The following ENOX1 variants were observed in gnomAD, a reference collection of about 807,000 sequenced individuals.
ENOX1 encodes ecto-NOX disulfide-thiol exchanger 1.
In ENOX1, 42 loss-of-function variants were observed where a neutral mutation model predicts 82.5. The ratio of observed to expected loss-of-function variants is 0.51; its 90% CI spans 0.40 to 0.66. The LOEUF is 0.66. Ranked by LOEUF, ENOX1 falls within the 30% of genes least tolerant of loss-of-function variation. The probability of loss-of-function intolerance (pLI) is 0.00; values close to 1 mark genes in which losing one functional copy is unlikely to be tolerated. For missense variants in ENOX1, 608 were observed against 811.6 expected (o/e 0.75, Z 3.05); for synonymous variants, 271 against 282.2 (o/e 0.96, Z 0.40).
At chr13:43,536,290 C>T (rs1262129345) in intron 2 of ENOX1, among the ~76,000 whole-genome samples, 4 of 152,176 alleles carry the variant, frequency 2.6e-5, no homozygotes, top group African/African-American at 9.7e-5. Context: ...CCTCTATAAT[C>T]ACTCTCTAGC....
chr13:43,517,803 C>A (rs1044227339), intron 2 of ENOX1, among the ~76,000 whole-genome samples: 1 of 152,118 alleles, frequency 6.6e-6, no homozygotes, highest in Non-Finnish European at 1.5e-5. Context: ...GGGATTAGTG[C>A]TCTTATGAAA....
chr13:43,365,624 T>C lies in ENOX1; in HGVS notation c.209-4172A>G, dbSNP rs138833227. Among the ~76,000 whole-genome samples, 19 of 152,340 alleles carry C rather than the reference T, an allele frequency of 1.2e-4. No homozygotes were observed. The East Asian group carries it at 3.7e-3, about 29-fold the overall frequency. On this transcript the variant is annotated intron_variant, in intron 5 of 16. Transcript: ENST00000690772. Reference sequence around the variant, plus strand: ...CATGGAGTCATAAGTTGAGAAATACTAGGCCAATTGGCAGGTTACCTAAGC... The same window carrying C: ...CATGGAGTCATAAGTTGAGAAATACCAGGCCAATTGGCAGGTTACCTAAGC...
At chr13:43,677,793 G>A (rs1291971646) in intron 1 of ENOX1, among the ~76,000 whole-genome samples, 2 of 152,182 alleles carry the variant, frequency 1.3e-5, no homozygotes, top group Non-Finnish European at 2.9e-5. Context: ...CTACACAAGT[G>A]AAAGAATCTG....
intron 2 of ENOX1, among the ~76,000 whole-genome samples, chr13:43,622,551 T>C (rs955333457): frequency 1.3e-5 from 2 of 152,172 alleles, no homozygotes; most frequent in Non-Finnish European, 2.9e-5. Flanking sequence ...TCTACCTGGC[T>C]CCAGGCTGGT....
intron 2 of ENOX1, among the ~76,000 whole-genome samples, chr13:43,571,286 C>T (rs1177586056): frequency 6.6e-6 from 1 of 152,154 alleles, no homozygotes; most frequent in African/African-American, 2.4e-5. Context: ...GGTAATAAAG[C>T]TTATGGTATA....
At chr13:43,584,844 A>G (rs568217248) in intron 2 of ENOX1, among the ~76,000 whole-genome samples, 1 of 152,200 alleles carries the variant, frequency 6.6e-6, no homozygotes, top group East Asian at 1.9e-4. Context: ...CCTGACTACA[A>G]TCATTCTTCA....
intron 2 of ENOX1, among the ~76,000 whole-genome samples, chr13:43,486,683 G>A (rs1346810570): frequency 1.3e-5 from 2 of 152,168 alleles, no homozygotes; most frequent in East Asian, 3.8e-4. Flanking sequence ...AATGGGGTCT[G>A]AAACCAAACT....
chr13:43,554,007 C>T (rs968856808), intron 2 of ENOX1, among the ~76,000 whole-genome samples: 8 of 152,124 alleles, frequency 5.3e-5, no homozygotes, highest in Non-Finnish European at 1.2e-4. Flanking sequence ...CCTTGGTCTC[C>T]CAAAGTGCTG....
intron 2 of ENOX1, among the ~76,000 whole-genome samples, chr13:43,610,291 G>A (rs1011759393): frequency 2.0e-5 from 3 of 152,128 alleles, no homozygotes; most frequent in African/African-American, 7.2e-5. Flanking sequence ...CTAATTACAT[G>A]CATGGGAGCA....
At chr13:43,621,952 T>C (rs1212811027) in intron 2 of ENOX1, among the ~76,000 whole-genome samples, 1 of 152,168 alleles carries the variant, frequency 6.6e-6, no homozygotes, top group Non-Finnish European at 1.5e-5. Flanking sequence ...TCCTATTTTC[T>C]TATTCTTTTT....
intron 14 of ENOX1, among the ~76,000 whole-genome samples, chr13:43,261,693 C>CA (rs1477285624): frequency 6.6e-6 from 1 of 150,544 alleles, no homozygotes; most frequent in Non-Finnish European, 1.5e-5. Flanking sequence ...TTTGTAGGGA[C>CA]ATGGATGAAA....
At chr13:43,399,984 T>C (rs1296237177) in intron 5 of ENOX1, among the ~76,000 whole-genome samples, 4 of 152,108 alleles carry the variant, frequency 2.6e-5, no homozygotes, top group African/African-American at 9.7e-5. Flanking sequence ...ACTGCCACTC[T>C]TGTAGGAGTG....
chr13:43,247,924 C>T (rs1485329435), intron 14 of ENOX1, among the ~76,000 whole-genome samples: 13 of 98,490 alleles, frequency 1.3e-4, no homozygotes, highest in East Asian at 3.5e-4. Context: ...CTCGCTCTGT[C>T]GCCCAGGCTG....
rs575118348 is a variant in ENOX1 at position 43,457,773 on chromosome 13, C to T, written c.-75+26236G>A. Among the ~76,000 whole-genome samples, 6 of 152,226 alleles carry T rather than the reference C, an allele frequency of 3.9e-5. No homozygotes were observed. In the South Asian group the frequency reaches 8.3e-4, roughly 21 times the overall value. On this transcript the variant is annotated intron_variant, in intron 3 of 16. Coordinates refer to ENST00000690772, the MANE Select transcript of ENOX1 (RefSeq NM_001347969.2). ...ACGTTTTATCAGTCAACAAAATGTA[C>T]CCAAAATGCATATGAAAAGCAGTAT...
intron 14 of ENOX1, among the ~76,000 whole-genome samples, chr13:43,251,954 C>T (rs778160706): frequency 8.6e-5 from 13 of 151,980 alleles, no homozygotes; most frequent in Admixed American, 6.6e-4. Flanking sequence ...TGTGATTGTG[C>T]GTGTGTGTAG....
chr13:43,668,221 T>G (rs1429777744), intron 1 of ENOX1, among the ~76,000 whole-genome samples: 2 of 152,346 alleles, frequency 1.3e-5, no homozygotes, highest in African/African-American at 4.8e-5. Context: ...AGAACCCACC[T>G]GAGACCTACT....
intron 3 of ENOX1, among the ~76,000 whole-genome samples, chr13:43,469,020 G>A (rs73474039): frequency 0.036 from 5,476 of 152,162 alleles, 350 homozygotes; most frequent in African/African-American, 0.13. Context: ...GACTAGAAGT[G>A]GGTAGAGTAG....
At chr13:43,345,126 T>C (rs1421794099) in intron 8 of ENOX1, among the ~76,000 whole-genome samples, 1 of 152,236 alleles carries the variant, frequency 6.6e-6, no homozygotes. Context: ...TTCATTTCTT[T>C]GTTCCTTTAT....
At chr13:43,555,083 C>T (rs1391925902) in intron 2 of ENOX1, among the ~76,000 whole-genome samples, 1 of 149,988 alleles carries the variant, frequency 6.7e-6, no homozygotes, top group Admixed American at 6.7e-5. Context: ...ATGATATCTT[C>T]CTTTCTATTG....
Sources: gnomAD v4.1 joint callset for allele counts (sites outside exome capture counted in the v4.1 genomes callset) on GRCh38, gnomAD v4.1.1 for gene constraint, MANE v1.5 for transcripts, NCBI Gene and HGNC (gene_info 2026-07-23, HGNC 2026-07-21) for gene names.